Variants in CUBN observed in about 807,000 individuals in gnomAD.
CUBN encodes 460 kDa receptor.
CUBN carries 282 observed loss-of-function variants against 405.3 expected under a neutral mutation model. The observed-to-expected ratio is 0.70, with a 90% CI of 0.63 to 0.77. CUBN has a LOEUF of 0.77. Among genes scored for constraint, CUBN ranks in the 30% least tolerant of loss-of-function variants. The pLI, the probability that CUBN is intolerant of heterozygous loss-of-function variation, is 0.00. For synonymous variants in CUBN, 1,684 were observed against 1,617.0 expected (o/e 1.04, Z -0.99); for missense variants, 4,514 against 4,475.2 (o/e 1.01, Z -0.25).
intron 27 of CUBN, among the ~76,000 whole-genome samples, chr10:17,024,870 C>T (rs1238806506): frequency 6.6e-6 from 1 of 152,172 alleles, no homozygotes; most frequent in African/African-American, 2.4e-5. Context: ...TTTAGATTGA[C>T]ATCTAATTCA....
In CUBN at chr10:16,824,351, CTAT is replaced by C. The variant is rs1187567816; in HGVS notation, c.*621_*623del. ...TATGGGTATGAGCCACTGCCCCTGG[CTAT>C]TATTATTAACTTTTAAAAATGTATG... On this transcript the variant is annotated 3_prime_UTR_variant, in exon 67 of 67. Transcript: ENST00000377833. 1 of 153,404 alleles carries C rather than the reference CTAT, an allele frequency of 6.5e-6. No individual in the cohort carries two copies. The highest frequency in any genetic ancestry group is 2.0e-4 in the South Asian group (1 of 4,884). 9.5% of individuals were successfully genotyped at this position (153,404 alleles called of 1,614,324 possible).
chr10:17,003,801 C>T (rs911848939), intron 28 of CUBN, among the ~76,000 whole-genome samples: 6 of 152,106 alleles, frequency 3.9e-5, no homozygotes, highest in East Asian at 1.9e-4. Flanking sequence ...CTCTGCAGAC[C>T]GCTATTCCTC....
chr10:17,123,003 G>C, intron 5 of CUBN, 105 bp from the exon 6 acceptor site: 1 of 796,330 alleles, frequency 1.3e-6, no homozygotes, highest in Non-Finnish European at 2.2e-6. Flanking sequence ...CAGTATATAA[G>C]TCCTCATAAA....
chr10:17,112,608 T>C (rs1225000058), intron 8 of CUBN, among the ~76,000 whole-genome samples: 2 of 152,124 alleles, frequency 1.3e-5, no homozygotes, highest in African/African-American at 4.8e-5. Context: ...TGTGATTGCT[T>C]GCAAATTGTG....
intron 36 of CUBN, among the ~76,000 whole-genome samples, chr10:16,943,069 G>A (rs762659434): frequency 3.2e-4 from 49 of 152,200 alleles, no homozygotes; most frequent in Non-Finnish European, 6.2e-4. Flanking sequence ...CCAGCCTGGA[G>A]GCTCTGACCA....
At chr10:16,996,623 T>C (rs1235140239) in intron 28 of CUBN, among the ~76,000 whole-genome samples, 1 of 152,064 alleles carries the variant, frequency 6.6e-6, no homozygotes, top group African/African-American at 2.4e-5. Context: ...ATCTGTGTGT[T>C]TTTAATAAGA....
chr10:16,890,461 C>T lies in CUBN; in HGVS notation c.8665G>A (p.Gly2889Ser), dbSNP rs1302209804. Residue 2889 changes from glycine (G) to serine (S), a missense_variant, in exon 55 of 67, where the codon GGT becomes AGT. This residue lies in a region of CUBN where 1,186 missense variants were observed against 1,186.9 expected (regional missense o/e 1.00). Coordinates refer to ENST00000377833, the MANE Select transcript of CUBN (RefSeq NM_001081.4). ...LATGCGNVAP[G>S]PVITPSNTFT... The stretch of plus-strand genomic sequence containing the variant: ...GTGTTACTTGGTGTGATAACGGGAC[C>T]CGGAGCCACGTTCCCACAGCCAGTG... 6.2e-7 allele frequency: 1 copy of T among 1,613,992 alleles called. No individual in the cohort carries two copies. Among genetic ancestry groups the T allele is most frequent in the Non-Finnish European group, 8.5e-7 (1 of 1,180,002 alleles).
intron 34 of CUBN, among the ~76,000 whole-genome samples, chr10:16,949,687 A>C (rs1463147155): frequency 6.6e-6 from 1 of 152,086 alleles, no homozygotes; most frequent in African/African-American, 2.4e-5. Flanking sequence ...ATTAACAAGA[A>C]ATTTCTGATA....
intron 60 of CUBN, among the ~76,000 whole-genome samples, chr10:16,846,000 T>C (rs1326973953): frequency 6.6e-6 from 1 of 152,226 alleles, no homozygotes; most frequent in African/African-American, 2.4e-5. Flanking sequence ...CACATAACTT[T>C]TGAATGTCCT....
intron 6 of CUBN, among the ~76,000 whole-genome samples, chr10:17,119,915 ATGAG>A (rs1231219988): frequency 3.3e-5 from 5 of 152,236 alleles, no homozygotes; most frequent in Non-Finnish European, 7.3e-5. Flanking sequence ...CTTTCCATGA[ATGAG>A]TATCTGCACC....
At chr10:16,936,272 T>C in intron 39 of CUBN, among the ~76,000 whole-genome samples, 1 of 152,228 alleles carries the variant, frequency 6.6e-6, no homozygotes, top group East Asian at 1.9e-4. Flanking sequence ...CTCAAGTTTA[T>C]TTCTAAGAGC....
At chr10:17,021,793 T>TA (rs11377230) in intron 27 of CUBN, among the ~76,000 whole-genome samples, 99,117 of 151,970 alleles carry the variant, frequency 0.65, 32,788 homozygotes, top group African/African-American at 0.77. Context: ...TGAAAGCCCT[T>TA]GCTTTTCATC....
Position 17,001,166 on chromosome 10 carries a change from T to C in CUBN, c.4169-10651A>G, listed in dbSNP as rs112194931. Among the ~76,000 whole-genome samples the C allele has an allele frequency of 2.4e-4, 36 of 152,194 alleles. 1 individual carries two copies. The South Asian group carries it at 3.9e-3, about 17-fold the overall frequency. ...TTTCTGGTCTCGCTGGCTTCAGGAG[T>C]GAAGGTGGAGACCTTTGGAGTGAGT... On this transcript the variant is annotated intron_variant, in intron 28 of 66. Transcript: ENST00000377833.
rs747501234 is a variant in CUBN at position 16,825,010 on chromosome 10, G to A, written c.10837C>T (p.Arg3613Cys). 29 of 1,613,632 alleles carry A rather than the reference G, an allele frequency of 1.8e-5. No individual in the cohort carries two copies. The highest frequency in any genetic ancestry group is 5.5e-5 in the South Asian group (5 of 91,070). The change falls in exon 67 of 67, where the codon CGT (arginine) becomes TGT (cysteine). Residue 3613 changes from arginine (R) to cysteine (C), a missense_variant. By Grantham distance (180) the Arg-to-Cys change is radical. Coordinates refer to ENST00000377833, the MANE Select transcript of CUBN (RefSeq NM_001081.4). ...CAAGTTAATCGGAATGCGGATGGACGCCGTGCATAATCAGCATGAAATTTT... is the reference window on the plus strand; with the variant it reads ...CAAGTTAATCGGAATGCGGATGGACACCGTGCATAATCAGCATGAAATTTT... ...FIKFHADYARRPSAFRLTWDS is the reference protein window; with the variant it reads ...FIKFHADYARCPSAFRLTWDS
At chr10:16,840,686 A>C in intron 61 of CUBN, 151 bp from the exon 62 acceptor site, 1 of 881,364 alleles carries the variant, frequency 1.1e-6, no homozygotes, top group Non-Finnish European at 1.8e-6. Flanking sequence ...CCTTGACTAA[A>C]GATTGTATCA....
At chr10:16,983,888 C>A (rs962790737) in intron 30 of CUBN, among the ~76,000 whole-genome samples, 23 of 152,200 alleles carry the variant, frequency 1.5e-4, no homozygotes, top group African/African-American at 4.6e-4. Context: ...CATGGACTTA[C>A]ACACTTACAT....
intron 60 of CUBN, among the ~76,000 whole-genome samples, chr10:16,843,338 T>TA (rs1839413385): frequency 6.6e-6 from 1 of 152,224 alleles, no homozygotes; most frequent in African/African-American, 2.4e-5. Flanking sequence ...ATAACAGAGC[T>TA]ATGTGTTCAA....
chr10:16,838,987 T>C (rs968415829), intron 62 of CUBN, among the ~76,000 whole-genome samples: 1 of 152,218 alleles, frequency 6.6e-6, no homozygotes. Flanking sequence ...AATATAAACC[T>C]ATCAGACTAG....
chr10:16,987,915 A>G (rs1833472683), intron 29 of CUBN, among the ~76,000 whole-genome samples: 1 of 152,162 alleles, frequency 6.6e-6, no homozygotes, highest in Non-Finnish European at 1.5e-5. Flanking sequence ...CAGTCCCCCA[A>G]ACCCTGCTTT....
Sources: gnomAD v4.1 joint callset for allele counts (sites outside exome capture counted in the v4.1 genomes callset) on GRCh38, gnomAD v4.1.1 for gene constraint, gnomAD v4.1.1 regional missense constraint, MANE v1.5 for transcripts, NCBI Gene and HGNC (gene_info 2026-07-23, HGNC 2026-07-21) for gene names.